The following PKHD1 variants were observed in gnomAD, a reference collection of about 807,000 sequenced individuals.
PKHD1 encodes the protein PKHD1 ciliary IPT domain containing fibrocystin/polyductin.
A neutral mutation model predicts 412.0 loss-of-function variants in PKHD1; 291 were observed. The ratio of observed to expected loss-of-function variants is 0.71; its 90% confidence interval spans 0.64 to 0.78. The LOEUF (loss-of-function observed/expected upper bound fraction) is 0.78, where lower values mean the gene tolerates loss of function less well. Among genes scored for constraint, PKHD1 ranks in the 30% least tolerant of loss-of-function variants. The pLI is 0.00. For missense variants in PKHD1, 4,825 were observed against 4,950.7 expected (o/e 0.97, Z 0.76); for synonymous variants, 1,777 against 1,821.5 (o/e 0.98, Z 0.62).
At chr6:51,797,518 T>C (rs867427107) in intron 52 of PKHD1, among the ~76,000 whole-genome samples, 2 of 152,220 alleles carry the variant, frequency 1.3e-5, no homozygotes, top group African/African-American at 4.8e-5. Flanking sequence ...GATAGTTAGC[T>C]CTTCTTGTTG....
chr6:51,946,475 TCA>T (rs2127842296), intron 36 of PKHD1, among the ~76,000 whole-genome samples: 1 of 152,366 alleles, frequency 6.6e-6, no homozygotes, highest in African/African-American at 2.4e-5. Flanking sequence ...ATTTTCATCC[TCA>T]CACTTTATTA....
chr6:51,754,256 T>TA (rs773873000), intron 56 of PKHD1, among the ~76,000 whole-genome samples: 2 of 152,134 alleles, frequency 1.3e-5, no homozygotes, highest in Non-Finnish European at 2.9e-5. Flanking sequence ...CTTTTTTATT[T>TA]AAAAAAAGGT....
chr6:52,015,557 G>A (rs1236886877), intron 34 of PKHD1, among the ~76,000 whole-genome samples: 1 of 151,930 alleles, frequency 6.6e-6, no homozygotes, highest in African/African-American at 2.4e-5. Context: ...GAGTGCAGTG[G>A]CTCACGCCTG....
intron 37 of PKHD1, among the ~76,000 whole-genome samples, chr6:51,926,509 A>G (rs1785652602): frequency 6.6e-6 from 1 of 152,142 alleles, no homozygotes; most frequent in African/African-American, 2.4e-5. Context: ...AGTACCTTAC[A>G]ATGTGTTTCT....
chr6:52,070,431 T>C lies in PKHD1; in HGVS notation c.682A>G (p.Ser228Gly), dbSNP rs398124491. 5 of 1,609,988 alleles carry C rather than the reference T, an allele frequency of 3.1e-6. No homozygotes were observed. Among genetic ancestry groups the C allele is most frequent in the Non-Finnish European group, 4.2e-6 (5 of 1,176,568 alleles). Residue 228 changes from serine (S) to glycine (G), a missense_variant, in exon 10 of 67, where the codon AGC (serine) becomes GGC (glycine). Ser to Gly is a moderately conservative substitution (Grantham distance 56, BLOSUM62 0). Transcript: ENST00000371117. ...TTTCCTTTGTTAAATACTGAGAAGC[T>C]AACATTCTGGGAGCCTGTAACACAA... ...EGDYIGSQNV[S>G]FSVFNKGKSM... is the part of the protein sequence containing the mutation.
chr6:51,950,239 A>ATATATATATATATATG, intron 36 of PKHD1, among the ~76,000 whole-genome samples: 1 of 145,230 alleles, frequency 6.9e-6, no homozygotes, highest in East Asian at 2.0e-4. Context: ...ATATATATAT[A>ATATATATATATATATG]TGAAATAAAA....
chr6:51,645,313 T>C (rs1194283103), intron 63 of PKHD1, among the ~76,000 whole-genome samples: 1 of 152,224 alleles, frequency 6.6e-6, no homozygotes, highest in Non-Finnish European at 1.5e-5. Flanking sequence ...AAATAACCTT[T>C]ATTTTCTTTT....
chr6:51,677,405 G>A (rs991881272), intron 60 of PKHD1, among the ~76,000 whole-genome samples: 4 of 152,104 alleles, frequency 2.6e-5, no homozygotes, highest in East Asian at 3.9e-4. Context: ...AAGACAGTTC[G>A]AAAGGACTGA....
chr6:52,076,207 A>G (rs924762766), intron 6 of PKHD1, 69 bp downstream of exon 6: 1 of 1,066,736 alleles, frequency 9.4e-7, no homozygotes, highest in African/African-American at 1.6e-5. Context: ...AAAACCACTC[A>G]CCTAGGTTTG....
intron 60 of PKHD1, among the ~76,000 whole-genome samples, chr6:51,718,012 T>C (rs1781478443): frequency 1.3e-5 from 2 of 152,234 alleles, no homozygotes; most frequent in Non-Finnish European, 2.9e-5. Flanking sequence ...CATAGACACC[T>C]TTGGCTAAGG....
intron 36 of PKHD1, among the ~76,000 whole-genome samples, chr6:51,947,132 A>G (rs929241346): frequency 6.6e-6 from 1 of 152,142 alleles, no homozygotes; most frequent in African/African-American, 2.4e-5. Context: ...GCTCCTCTCA[A>G]GGCCACAGAT....
At chr6:52,078,324 C>T (rs9474142) in intron 5 of PKHD1, among the ~76,000 whole-genome samples, 3 of 152,042 alleles carry the variant, frequency 2.0e-5, no homozygotes, top group Non-Finnish European at 4.4e-5. Flanking sequence ...TCAAGCTTCC[C>T]GCATGCTGAT....
intron 36 of PKHD1, among the ~76,000 whole-genome samples, chr6:51,934,782 A>G (rs1310563424): frequency 6.6e-6 from 1 of 152,086 alleles, no homozygotes; most frequent in African/African-American, 2.4e-5. Context: ...TTAGCTGACC[A>G]GCATCCATTA....
At chr6:51,721,756 G>T (rs1441542892) in intron 60 of PKHD1, 2 of 1,404,112 alleles carry the variant, frequency 1.4e-6, no homozygotes, top group Admixed American at 5.9e-5. Flanking sequence ...AAAGTCAGGA[G>T]TAAGCAAACT....
At chr6:51,887,096 A>C (rs771705174) in intron 44 of PKHD1, 37 bp downstream of exon 44, 20 of 1,295,062 alleles carry the variant, frequency 1.5e-5, no homozygotes, top group Non-Finnish European at 2.1e-5. Flanking sequence ...TGAAATCATA[A>C]GACAGCCAAA....
In PKHD1 at chr6:51,819,096, G is replaced by A. The variant is rs142516430; in HGVS notation, c.8302+11765C>T. ...GGACAACAAAACTCCCAGAATGGTCGTGAGTGTTAAATTAGGTGTGAGAAC... is the reference window on the plus strand; with the variant it reads ...GGACAACAAAACTCCCAGAATGGTCATGAGTGTTAAATTAGGTGTGAGAAC... On this transcript the variant is annotated intron_variant, in intron 52 of 66. Coordinates refer to ENST00000371117, the MANE Select transcript of PKHD1 (RefSeq NM_138694.4). 6.6e-5 allele frequency among the ~76,000 whole-genome samples: 10 copies of A among 152,266 alleles called. 1 individual carries two copies. The highest frequency in any genetic ancestry group is 3.9e-4 in the East Asian group (2 of 5,190).
At chr6:51,900,742 A>G (rs1157900665) in intron 43 of PKHD1, among the ~76,000 whole-genome samples, 27 of 151,580 alleles carry the variant, frequency 1.8e-4, no homozygotes, top group African/African-American at 6.0e-4. Context: ...GCAACCTACA[A>G]AATGGGAGAA....
At position 51,618,996 on chromosome 6, in the gene PKHD1, A is replaced by T. The variant is rs540161801; in HGVS notation, c.*85T>A. 2 of 1,218,342 alleles carry T rather than the reference A, an allele frequency of 1.6e-6. No individual in the cohort carries two copies. The highest frequency in any genetic ancestry group is 2.4e-6 in the Non-Finnish European group (2 of 822,064). 75.5% of individuals were successfully genotyped at this position (1,218,342 alleles called of 1,614,324 possible). A position where few individuals can be genotyped will look rare whatever the true frequency, so the allele number is the denominator to read the frequency against. ...ATTCTCTCTTCTTAGTTGTCCCAGC[A>T]GGACAGTCCTCACTTCCCCAGCTTA... On this transcript the variant is annotated 3_prime_UTR_variant, in exon 67 of 67. Coordinates refer to ENST00000371117, the MANE Select transcript of PKHD1 (RefSeq NM_138694.4).
intron 53 of PKHD1, among the ~76,000 whole-genome samples, chr6:51,777,374 G>A (rs916390306): frequency 5.3e-5 from 8 of 152,130 alleles, no homozygotes. Context: ...ATTCAGACAG[G>A]TAAGTAAATC....
Sources: gnomAD v4.1 joint callset for allele counts (sites outside exome capture counted in the v4.1 genomes callset) on GRCh38, gnomAD v4.1.1 for gene constraint, MANE v1.5 for transcripts, NCBI Gene and HGNC (gene_info 2026-07-23, HGNC 2026-07-21) for gene names.